The following OPCML variants were observed in gnomAD, a reference collection of about 807,000 sequenced individuals.
The protein encoded by OPCML is opioid binding protein/cell adhesion molecule like.
In OPCML, 13 loss-of-function variants were observed where a neutral mutation model predicts 37.8. The observed-to-expected ratio is 0.34, with a 90% CI of 0.22 to 0.55. The LOEUF is 0.55. Among genes scored for constraint, OPCML ranks in the 20% least tolerant of loss-of-function variants. OPCML has a pLI of 0.91. For missense variants in OPCML, 341 were observed against 435.6 expected (o/e 0.78, Z 1.93); for synonymous variants, 176 against 168.8 (o/e 1.04, Z -0.33).
At chr11:133,349,644 G>T (rs570343535) in intron 1 of OPCML, among the ~76,000 whole-genome samples, 1 of 152,152 alleles carries the variant, frequency 6.6e-6, no homozygotes, top group Non-Finnish European at 1.5e-5. Flanking sequence ...GAGCAACCAT[G>T]AACACAGTGC....
At chr11:132,707,648 A>G (rs2135939700) in intron 2 of OPCML, among the ~76,000 whole-genome samples, 1 of 152,322 alleles carries the variant, frequency 6.6e-6, no homozygotes. Flanking sequence ...AGTTCACAAA[A>G]TAAGATAAAC....
At chr11:132,702,030 A>G (rs1290100868) in intron 2 of OPCML, among the ~76,000 whole-genome samples, 2 of 152,168 alleles carry the variant, frequency 1.3e-5, no homozygotes, top group Non-Finnish European at 2.9e-5. Context: ...TCAGGAAATT[A>G]TTATGGCTAT....
In OPCML at chr11:133,118,045, C is replaced by T. The variant is rs1262908694; in HGVS notation, c.62-175035G>A. The stretch of plus-strand genomic sequence containing the variant: ...CTACAGGGGTGTGAAGTTTCCCCAG[C>T]AGGTGAAACACTCTTCAGAAAGAAA... On this transcript the variant is annotated intron_variant, in intron 1 of 7. Transcript: ENST00000524381. 4.5e-6 allele frequency: 3 copies of T among 666,210 alleles called. No individual in the cohort carries two copies. The African/African-American group carries it at 5.9e-5, about 13-fold the overall frequency. The allele number at this position is 666,210 out of a possible 1,614,324, so 41.3% of individuals were successfully genotyped here. A position where few individuals can be genotyped will look rare whatever the true frequency, so the allele number is the denominator to read the frequency against.
chr11:132,728,713 G>C (rs1010366362), intron 2 of OPCML, among the ~76,000 whole-genome samples: 50 of 151,992 alleles, frequency 3.3e-4, no homozygotes, highest in African/African-American at 1.2e-3. Context: ...AAATATAACA[G>C]GATTTATGTG....
intron 1 of OPCML, among the ~76,000 whole-genome samples, chr11:133,411,405 G>T (rs1280957178): frequency 6.6e-6 from 1 of 152,144 alleles, no homozygotes; most frequent in Non-Finnish European, 1.5e-5. Flanking sequence ...GCTCTGAAAT[G>T]CCTTCCCCTA....
At chr11:133,317,568 G>T (rs1943234658) in intron 1 of OPCML, among the ~76,000 whole-genome samples, 1 of 152,178 alleles carries the variant, frequency 6.6e-6, no homozygotes, top group African/African-American at 2.4e-5. Flanking sequence ...ATTAGCAGAA[G>T]TTGTTGTCGT....
rs80008438 is a variant in OPCML at position 133,393,418 on chromosome 11, T to A, written c.61+138846A>T. Among the ~76,000 whole-genome samples the A allele has an allele frequency of 3.0e-3, 457 of 152,336 alleles. 3 individuals are homozygous for A. Among genetic ancestry groups the A allele is most frequent in the African/African-American group, 0.01 (428 of 41,580 alleles). ...TGAGGTGACCTTATAGACCACAGAT[T>A]ATGAGAATCAACTGTACTGTCGGCT... On this transcript the variant is annotated intron_variant, in intron 1 of 7. Transcript: ENST00000524381.
At chr11:133,413,376 C>G (rs1432233140) in intron 1 of OPCML, among the ~76,000 whole-genome samples, 1 of 151,704 alleles carries the variant, frequency 6.6e-6, no homozygotes, top group African/African-American at 2.4e-5. Flanking sequence ...GTACCTAATG[C>G]TAGATGACGA....
intron 4 of OPCML, among the ~76,000 whole-genome samples, chr11:132,471,657 A>C (rs1344461529): frequency 6.6e-6 from 1 of 152,230 alleles, no homozygotes; most frequent in Non-Finnish European, 1.5e-5. Context: ...GCAACGCTGT[A>C]AATGAACTAG....
chr11:133,380,478 C>T (rs371226723), intron 1 of OPCML, among the ~76,000 whole-genome samples: 9 of 152,092 alleles, frequency 5.9e-5, no homozygotes, highest in African/African-American at 1.9e-4. Context: ...ATATACCTAA[C>T]GAGGAATACT....
At chr11:133,006,024 T>G (rs1947103407) in intron 1 of OPCML, 1 of 985,218 alleles carries the variant, frequency 1.0e-6, no homozygotes. Flanking sequence ...GAGCGGAGTG[T>G]GGCCTTCGTA....
chr11:132,993,175 C>T (rs115690576), intron 1 of OPCML, among the ~76,000 whole-genome samples: 3 of 152,172 alleles, frequency 2.0e-5, no homozygotes, highest in Admixed American at 6.5e-5. Context: ...AGCTCCAGGA[C>T]GTGCATGTCT....
chr11:133,248,229 T>C (rs1316199734), intron 1 of OPCML, among the ~76,000 whole-genome samples: 1 of 152,200 alleles, frequency 6.6e-6, no homozygotes, highest in Non-Finnish European at 1.5e-5. Context: ...TGCCCCTTTT[T>C]TCAAAGAAAA....
intron 3 of OPCML, among the ~76,000 whole-genome samples, chr11:132,568,003 G>C (rs145611271): frequency 2.2e-3 from 342 of 152,070 alleles, no homozygotes; most frequent in African/African-American, 7.6e-3. Context: ...AAATAGAAAG[G>C]GGTCCCTGGA....
chr11:132,585,203 C>T (rs1287658701), intron 3 of OPCML, among the ~76,000 whole-genome samples: 3 of 152,058 alleles, frequency 2.0e-5, no homozygotes, highest in African/African-American at 7.2e-5. Context: ...CACTCTGTCT[C>T]ATTCGTGAAT....
intron 2 of OPCML, among the ~76,000 whole-genome samples, chr11:132,847,671 C>T (rs1941611126): frequency 6.6e-6 from 1 of 152,168 alleles, no homozygotes; most frequent in Admixed American, 6.5e-5. Flanking sequence ...ACTAAAAATG[C>T]TGTCTTTTGG....
chr11:132,857,966 C>A (rs1942129594), intron 2 of OPCML, among the ~76,000 whole-genome samples: 1 of 151,984 alleles, frequency 6.6e-6, no homozygotes, highest in Non-Finnish European at 1.5e-5. Context: ...GCACTGAACC[C>A]CGAGGCAATG....
intron 1 of OPCML, among the ~76,000 whole-genome samples, chr11:133,201,497 T>C (rs509892): frequency 0.68 from 103,972 of 152,002 alleles, 37,118 homozygotes; most frequent in African/African-American, 0.86. Flanking sequence ...CTGAGATAAA[T>C]TGGGGAGCCA....
chr11:132,941,701 C>T (rs1945583384), intron 2 of OPCML, among the ~76,000 whole-genome samples: 1 of 152,156 alleles, frequency 6.6e-6, no homozygotes, highest in South Asian at 2.1e-4. Context: ...TTGCTTTGGG[C>T]TTCTGAGAAA....
Sources: gnomAD v4.1 joint callset for allele counts (sites outside exome capture counted in the v4.1 genomes callset) on GRCh38, gnomAD v4.1.1 for gene constraint, MANE v1.5 for transcripts, NCBI Gene and HGNC (gene_info 2026-07-23, HGNC 2026-07-21) for gene names.